FAM135B: variants seen among roughly 807,000 people sequenced by gnomAD.
FAM135B encodes the protein family with sequence similarity 135 member B.
In FAM135B, 43 loss-of-function variants were observed where a neutral mutation model predicts 127.7. That is an observed-to-expected ratio of 0.34 (90% CI 0.26 to 0.43). The LOEUF is 0.43. Among genes scored for constraint, FAM135B ranks in the 20% least tolerant of loss-of-function variants. FAM135B has a pLI of 1.00. For missense variants in FAM135B, 1,558 were observed against 1,725.6 expected (o/e 0.90, Z 1.72); for synonymous variants, 670 against 665.1 (o/e 1.01, Z -0.11).
chr8:138,196,549 G>T (rs574280795), intron 8 of FAM135B, among the ~76,000 whole-genome samples: 1 of 152,250 alleles, frequency 6.6e-6, no homozygotes, highest in Admixed American at 6.5e-5. Context: ...AATTTTTTAC[G>T]TGATGATTTC....
chr8:138,349,100 T>A lies in FAM135B; in HGVS notation c.77+18807A>T, dbSNP rs137944827. ...TGCAGTTTGCCTGGGACTTTCGTGG[T>A]CTTAGCACTGAAAGTCTTACATTCC... On this transcript the variant is annotated intron_variant, in intron 2 of 19. Transcript: ENST00000395297. 1.1e-4 allele frequency among the ~76,000 whole-genome samples: 17 copies of A among 152,318 alleles called. No individual in the cohort carries two copies. In the East Asian group the frequency reaches 1.5e-3, roughly 14 times the overall value.
chr8:138,359,355 T>C (rs1036220150), intron 2 of FAM135B, among the ~76,000 whole-genome samples: 1 of 152,188 alleles, frequency 6.6e-6, no homozygotes, highest in African/African-American at 2.4e-5. Context: ...CTTGAACAAC[T>C]GAAAAGTCAT....
chr8:138,217,433 T>TTTTTC (rs1818635618), intron 7 of FAM135B, among the ~76,000 whole-genome samples: 3 of 24,448 alleles, frequency 1.2e-4, no homozygotes, highest in Admixed American at 1.2e-3. Context: ...GATATATTTC[T>TTTTTC]TTTTTTTTTT....
chr8:138,477,048 T>C (rs1379264460), intron 1 of FAM135B, among the ~76,000 whole-genome samples: 1 of 152,226 alleles, frequency 6.6e-6, no homozygotes, highest in Non-Finnish European at 1.5e-5. Context: ...TTTTAAGCCA[T>C]GTGGAACCTG....
chr8:138,325,490 A>T (rs1827745989), intron 2 of FAM135B, among the ~76,000 whole-genome samples: 1 of 152,182 alleles, frequency 6.6e-6, no homozygotes, highest in South Asian at 2.1e-4. Context: ...AAACAGAGGA[A>T]GTAAATGGGC....
At chr8:138,159,443 T>C (rs1819134289) in intron 12 of FAM135B, among the ~76,000 whole-genome samples, 2 of 151,230 alleles carry the variant, frequency 1.3e-5, no homozygotes, top group South Asian at 4.2e-4. Context: ...GATGAATTCA[T>C]GTCCTTTGTA....
rs1243183008 is a variant in FAM135B at position 138,241,842 on chromosome 8, G to C, written c.669+1100C>G. On this transcript the variant is annotated intron_variant, in intron 7 of 19. Transcript: ENST00000395297. This position sits in a 1 kb window ranked among gnomAD's most constrained non-coding sequence, Gnocchi z 4.8. ...TGTGAGGGTATGTCTGGATGAACTG[G>C]TCAATTGAATAAAGCAGATAGCCCT... Among the ~76,000 whole-genome samples, 1 of 152,160 alleles carries C rather than the reference G, an allele frequency of 6.6e-6. No homozygotes were observed. The highest frequency in any genetic ancestry group is 1.5e-5 in the Non-Finnish European group (1 of 68,038).
chr8:138,449,275 C>G (rs1213695672), intron 1 of FAM135B, among the ~76,000 whole-genome samples: 2 of 152,130 alleles, frequency 1.3e-5, no homozygotes, highest in Non-Finnish European at 2.9e-5. Flanking sequence ...AGAGCTTGTG[C>G]TGGAGAAACT....
chr8:138,398,592 G>C (rs76885648), intron 1 of FAM135B, among the ~76,000 whole-genome samples: 1,867 of 152,226 alleles, frequency 0.012, 16 homozygotes, highest in African/African-American at 0.025. Flanking sequence ...TGCAATGACA[G>C]TTTGATTTGG....
intron 2 of FAM135B, among the ~76,000 whole-genome samples, chr8:138,358,967 G>C (rs1331753539): frequency 6.6e-6 from 1 of 151,972 alleles, no homozygotes; most frequent in East Asian, 1.9e-4. Context: ...CCTCAGCCAG[G>C]GGTTAAGAGG....
intron 2 of FAM135B, among the ~76,000 whole-genome samples, chr8:138,341,618 TA>T (rs1461894379): frequency 1.3e-5 from 2 of 152,136 alleles, no homozygotes; most frequent in African/African-American, 4.8e-5. Flanking sequence ...TGAAAAAAAT[TA>T]AAAAGGTTTT....
intron 1 of FAM135B, chr8:138,440,125 G>T (rs2131542072): frequency 6.6e-6 from 1 of 152,298 alleles, no homozygotes; most frequent in East Asian, 1.9e-4. Flanking sequence ...CCACCACTGG[G>T]CTGCAGGAAC....
At chr8:138,382,561 T>TTGTGTGGTGCC (rs1352730868) in intron 1 of FAM135B, among the ~76,000 whole-genome samples, 11 of 152,276 alleles carry the variant, frequency 7.2e-5, no homozygotes, top group Non-Finnish European at 1.0e-4. Flanking sequence ...TCCTGTTCTT[T>TTGTGTGGTGCC]ATTAATCCCT....
chr8:138,131,355 C>T lies in FAM135B; in HGVS notation c.*1238G>A, dbSNP rs1012894630. 6.6e-6 allele frequency: 1 copy of T among 152,190 alleles called. No homozygotes were observed. The highest frequency in any genetic ancestry group is 1.5e-5 in the Non-Finnish European group (1 of 68,054). 9.4% of individuals were successfully genotyped at this position (152,190 alleles called of 1,614,324 possible). ...CTTACTTTAGCCCATACAACATACTCAGTCTTTGAGACCTGACTATTAAAC... is the reference window on the plus strand; with the variant it reads ...CTTACTTTAGCCCATACAACATACTTAGTCTTTGAGACCTGACTATTAAAC... On this transcript the variant is annotated 3_prime_UTR_variant, in exon 20 of 20. Transcript: ENST00000395297.
intron 7 of FAM135B, among the ~76,000 whole-genome samples, chr8:138,201,520 G>A (rs144343844): frequency 8.6e-4 from 131 of 152,222 alleles, no homozygotes; most frequent in African/African-American, 2.9e-3. Flanking sequence ...TCAGCAGCAC[G>A]ACTTTTTGAA....
At chr8:138,288,280 T>C (rs1183051913) in intron 3 of FAM135B, among the ~76,000 whole-genome samples, 1 of 152,168 alleles carries the variant, frequency 6.6e-6, no homozygotes, top group African/African-American at 2.4e-5. Flanking sequence ...GGAAGTTTTA[T>C]AATCTGTCAT....
At chr8:138,413,043 T>C (rs543485185) in intron 1 of FAM135B, among the ~76,000 whole-genome samples, 49 of 152,238 alleles carry the variant, frequency 3.2e-4, no homozygotes, top group Non-Finnish European at 5.9e-4. Context: ...TATGGTTGAG[T>C]GACCCGGACC....
intron 1 of FAM135B, among the ~76,000 whole-genome samples, chr8:138,447,799 AAGT>A (rs1836269824): frequency 7.5e-6 from 1 of 132,564 alleles, no homozygotes; most frequent in African/African-American, 3.3e-5. Context: ...CTAGAACTTA[AAGT>A]ATAATAATAA....
intron 6 of FAM135B, among the ~76,000 whole-genome samples, chr8:138,247,042 A>G (rs922449967): frequency 1.3e-5 from 2 of 152,202 alleles, no homozygotes; most frequent in African/African-American, 4.8e-5. Flanking sequence ...GAACAGCTGT[A>G]TTTACCCAAT....
Sources: gnomAD v4.1 joint callset for allele counts (sites outside exome capture counted in the v4.1 genomes callset) on GRCh38, gnomAD v4.1.1 for gene constraint, Gnocchi (gnomAD v3.1) non-coding constraint, MANE v1.5 for transcripts, NCBI Gene and HGNC (gene_info 2026-07-23, HGNC 2026-07-21) for gene names.